FSTL4: variants seen among roughly 807,000 people sequenced by gnomAD.
FSTL4 encodes follistatin-related protein 4.
FSTL4 carries 28 observed loss-of-function variants against 78.2 expected under a neutral mutation model. That is an observed-to-expected ratio of 0.36 (90% CI 0.27 to 0.49). FSTL4 has a LOEUF of 0.49. FSTL4 is among the 20% of genes least tolerant of loss of function. The pLI is 0.98. For missense variants in FSTL4, 922 were observed against 1,084.9 expected (o/e 0.85, Z 2.11); for synonymous variants, 422 against 440.5 (o/e 0.96, Z 0.53).
At chr5:133,631,051 G>A in the FSTL4 span, among the ~76,000 whole-genome samples, 1 of 152,108 alleles carries the variant, frequency 6.6e-6, no homozygotes, top group Non-Finnish European at 1.5e-5. Flanking sequence ...AACCCTAGAA[G>A]CAAACCTAGG....
In FSTL4 at chr5:133,221,096, C is replaced by T. The variant is rs1376962244; in HGVS notation, c.1340-230G>A. 4.8e-6 allele frequency: 3 copies of T among 623,692 alleles called. No individual in the cohort carries two copies. The Admixed American group carries it at 6.8e-5, about 14-fold the overall frequency. 38.6% of individuals were successfully genotyped at this position (623,692 alleles called of 1,614,324 possible). A position where few individuals can be genotyped will look rare whatever the true frequency, so the allele number is the denominator to read the frequency against. On this transcript the variant is annotated intron_variant, in intron 11 of 15. Transcript: ENST00000265342. ...AGTAAAGCATGTCACAGGCTACGTA[C>T]AGCTGCCCTAAGTCATCTAGAGTTG...
rs201516386 is a variant in FSTL4, at chr5:133,199,221, A to G, written c.2403T>C (p.Phe801=). Residue 801 remains phenylalanine, a synonymous_variant, in exon 16 of 16, where the codon TTT becomes TTC. Transcript: ENST00000265342. The surrounding 1 kb of genome is among the most constrained non-coding windows in gnomAD (Gnocchi z 4.4). ...GGGCTGGTGTGAGGAGGTACTGTCCAAACAGCCCACTGTCCCTCATGATTC... is the reference window on the plus strand; with the variant it reads ...GGGCTGGTGTGAGGAGGTACTGTCCGAACAGCCCACTGTCCCTCATGATTC... ...THRIMRDSGL[F]GQYLLTPARE... The G allele has an allele frequency of 6.3e-5, 101 of 1,613,576 alleles. 1 individual carries two copies. In the South Asian group the frequency reaches 7.9e-4, roughly 13 times the overall value.
At chr5:133,833,477 T>C in the FSTL4 span, among the ~76,000 whole-genome samples, 1 of 152,240 alleles carries the variant, frequency 6.6e-6, no homozygotes, top group Non-Finnish European at 1.5e-5. Flanking sequence ...CAACATCTCC[T>C]ACATCTATTT....
At chr5:133,333,193 A>G (rs1221408037) in intron 4 of FSTL4, among the ~76,000 whole-genome samples, 1 of 152,160 alleles carries the variant, frequency 6.6e-6, no homozygotes, top group African/African-American at 2.4e-5. Context: ...GCCCATCACA[A>G]ATCCCAGGTC....
chr5:133,438,946 G>A (rs141220864), intron 3 of FSTL4, among the ~76,000 whole-genome samples: 14 of 152,354 alleles, frequency 9.2e-5, no homozygotes, highest in African/African-American at 3.4e-4. Context: ...GGAACCTCAC[G>A]CGCCTTTGAT....
At chr5:133,237,227 C>A (rs749054054) in intron 7 of FSTL4, among the ~76,000 whole-genome samples, 2 of 152,132 alleles carry the variant, frequency 1.3e-5, no homozygotes, top group African/African-American at 4.8e-5. Context: ...CGGGAGAACT[C>A]GAGGCTCTTT....
At chr5:133,749,717 T>A in the FSTL4 span, among the ~76,000 whole-genome samples, 9,561 of 152,268 alleles carry the variant, frequency 0.063, 438 homozygotes, top group East Asian at 0.19. Flanking sequence ...GAACCAGCCT[T>A]GTAGCATGTA....
the FSTL4 span, among the ~76,000 whole-genome samples, chr5:133,733,994 G>T: frequency 6.6e-6 from 1 of 152,224 alleles, no homozygotes; most frequent in South Asian, 2.1e-4. Flanking sequence ...TGGCAACTGG[G>T]TTCCTCAACA....
chr5:133,542,380 G>A (rs1434406114), intron 3 of FSTL4, among the ~76,000 whole-genome samples: 1 of 152,108 alleles, frequency 6.6e-6, no homozygotes, highest in African/African-American at 2.4e-5. Flanking sequence ...AATATAGTTT[G>A]CTAATTTTTG....
intron 4 of FSTL4, among the ~76,000 whole-genome samples, chr5:133,363,263 C>T (rs1755109392): frequency 6.6e-6 from 1 of 152,128 alleles, no homozygotes; most frequent in South Asian, 2.1e-4. Flanking sequence ...TACCAAGTGC[C>T]CACAGAAGCT....
chr5:133,233,886 GTGTTGCTCACC>G (rs1354031157), intron 7 of FSTL4, among the ~76,000 whole-genome samples: 1 of 152,112 alleles, frequency 6.6e-6, no homozygotes, highest in African/African-American at 2.4e-5. Flanking sequence ...ATTCTCAGGG[GTGTTGCTCACC>G]TGATGAGCAG....
Position 133,225,699 on chromosome 5 carries a change from A to G in FSTL4, c.1136T>C (p.Val379Ala), listed in dbSNP as rs1751305603. 1 of 1,611,298 alleles carries G rather than the reference A, an allele frequency of 6.2e-7. No homozygotes were observed. The highest frequency in any genetic ancestry group is 1.7e-5 in the Admixed American group (1 of 59,434). The change falls in exon 9 of 16, where the codon GTG (valine) becomes GCG (alanine). Residue 379 changes from valine to alanine, a missense_variant. Val to Ala is a moderately conservative substitution (Grantham distance 64). Coordinates refer to ENST00000265342, the MANE Select transcript of FSTL4 (RefSeq NM_015082.2). The surrounding 1 kb of genome is among the most constrained non-coding windows in gnomAD (Gnocchi z 4.6). ...MPRITWLKNG[V>A]DVSTQMSKQL... is the part of the protein sequence containing the mutation. ...TTTGGACATCTGAGTTGAGACATCC[A>G]CGCCGTTTTTCAGCCAAGTGATTCT...
chr5:133,374,723 ATC>A (rs111630345), intron 4 of FSTL4, among the ~76,000 whole-genome samples: 92 of 147,704 alleles, frequency 6.2e-4, no homozygotes, highest in Admixed American at 8.8e-4. Flanking sequence ...GGAAGAGATG[ATC>A]TCTCTCTCTC....
At chr5:133,612,655 A>C (rs1761126661), upstream of FSTL4, 1 of 151,718 alleles carries the variant, frequency 6.6e-6, no homozygotes, top group Admixed American at 6.6e-5. This position sits in a 1 kb window ranked among gnomAD's most constrained non-coding sequence, Gnocchi z 6.2. Flanking sequence ...CGGCCACGGC[A>C]GGTGCGCGGA....
chr5:133,209,090 T>C (rs140424982), intron 14 of FSTL4, among the ~76,000 whole-genome samples: 1,894 of 152,300 alleles, frequency 0.012, 41 homozygotes, highest in African/African-American at 0.044. Flanking sequence ...CTGGCAGCTG[T>C]ATTTCTTTGG....
the FSTL4 span, among the ~76,000 whole-genome samples, chr5:133,639,541 C>A: frequency 2.6e-5 from 4 of 152,198 alleles, no homozygotes; most frequent in Non-Finnish European, 5.9e-5. Context: ...TCAGAGCTTG[C>A]CTTGCTTCCA....
At chr5:133,672,228 A>G in the FSTL4 span, among the ~76,000 whole-genome samples, 3 of 152,184 alleles carry the variant, frequency 2.0e-5, no homozygotes, top group African/African-American at 7.2e-5. Flanking sequence ...AAAGACTATT[A>G]TGAAATGTAT....
chr5:133,236,107 C>T lies in FSTL4; in HGVS notation c.895-2570G>A, dbSNP rs371790239. On this transcript the variant is annotated intron_variant, in intron 7 of 15. Transcript: ENST00000265342. This position sits in a 1 kb window ranked among gnomAD's most constrained non-coding sequence, Gnocchi z 5.0. ...CTTGCAGGGAGCCTGGCGCTGTGGA[C>T]CTGCTGGCATTTTCCCTCCAAACTG... Among the ~76,000 whole-genome samples, 2 of 152,168 alleles carry T rather than the reference C, an allele frequency of 1.3e-5. No homozygotes were observed. The highest frequency in any genetic ancestry group is 2.9e-5 in the Non-Finnish European group (2 of 68,018).
chr5:133,798,090 C>T, the FSTL4 span, among the ~76,000 whole-genome samples: 1 of 152,238 alleles, frequency 6.6e-6, no homozygotes, highest in African/African-American at 2.4e-5. Context: ...CAACTTGGCT[C>T]ATTCCAATCC....
Sources: allele counts gnomAD v4.1 joint callset (sites outside exome capture counted in the v4.1 genomes callset), GRCh38; gene constraint gnomAD v4.1.1; non-coding constraint Gnocchi (gnomAD v3.1); transcripts MANE v1.5; gene names NCBI Gene and HGNC (gene_info 2026-07-23, HGNC 2026-07-21).